Variants in FRMPD3 observed in about 807,000 individuals in gnomAD.
FRMPD3 encodes FERM and PDZ domain-containing protein 3.
A neutral mutation model predicts 97.9 loss-of-function variants in FRMPD3; 42 were observed. The ratio of observed to expected loss-of-function variants is 0.43; its 90% CI spans 0.34 to 0.55. FRMPD3 has a LOEUF of 0.55. Among genes scored for constraint, FRMPD3 ranks in the 20% least tolerant of loss-of-function variants. The probability of loss-of-function intolerance (pLI) is 0.03; values close to 1 mark genes in which losing one functional copy is unlikely to be tolerated. For missense variants in FRMPD3, 1,303 were observed against 1,457.7 expected (o/e 0.89, Z 1.73); for synonymous variants, 577 against 581.1 (o/e 0.99, Z 0.10).
chrX:107,568,961 T>C (rs1922744770), intron 12 of FRMPD3, among the ~76,000 whole-genome samples: 1 of 107,578 alleles, frequency 9.3e-6, no homozygotes, highest in East Asian at 3.0e-4. Context: ...GAACCATGGC[T>C]CCTTGCCTTC....
At chrX:107,514,821 C>G (rs368055574) in intron 1 of FRMPD3, among the ~76,000 whole-genome samples, 81 of 111,245 alleles carry the variant, frequency 7.3e-4, no homozygotes, top group African/African-American at 2.6e-3. Flanking sequence ...CCACTGTGCC[C>G]GGTCTTGGAT....
At chrX:107,593,334 C>G (rs914143203) in intron 13 of FRMPD3, among the ~76,000 whole-genome samples, 1 of 111,635 alleles carries the variant, frequency 9.0e-6, no homozygotes, top group Non-Finnish European at 1.9e-5. Context: ...TTTTCTCCCA[C>G]TCTGTGGGTT....
At chrX:107,482,545 G>A (rs988789704) in intron 1 of FRMPD3, among the ~76,000 whole-genome samples, 2 of 111,507 alleles carry the variant, frequency 1.8e-5, no homozygotes, top group Admixed American at 1.9e-4. Flanking sequence ...CTGTTGGGTT[G>A]CTGGAGGGGA....
At chrX:107,571,357 C>T (rs745670275) in intron 12 of FRMPD3, among the ~76,000 whole-genome samples, 35 of 86,212 alleles carry the variant, frequency 4.1e-4, no homozygotes, top group African/African-American at 3.7e-3. Flanking sequence ...TACCTGTTGG[C>T]AAAAATTTCA....
At chrX:107,487,266 A>T (rs902957847) in intron 1 of FRMPD3, among the ~76,000 whole-genome samples, 43 of 111,139 alleles carry the variant, frequency 3.9e-4, no homozygotes, top group African/African-American at 1.3e-3. Flanking sequence ...AAAAATTTTT[A>T]AAAAATGAAA....
chrX:107,502,978 C>T (rs762889984), intron 1 of FRMPD3, among the ~76,000 whole-genome samples: 1 of 111,012 alleles, frequency 9.0e-6, no homozygotes, highest in Non-Finnish European at 1.9e-5. Context: ...AAGATTTGAA[C>T]AAGTGGGATG....
chrX:107,453,190 TACATAC>T (rs1326762726), intron 1 of FRMPD3, among the ~76,000 whole-genome samples: 1 of 110,775 alleles, frequency 9.0e-6, no homozygotes, highest in Non-Finnish European at 1.9e-5. Flanking sequence ...AAGACACACA[TACATAC>T]ACATACACAC....
At chrX:107,542,350 G>C (rs1316038237) in intron 4 of FRMPD3, among the ~76,000 whole-genome samples, 1 of 111,990 alleles carries the variant, frequency 8.9e-6, no homozygotes, top group Non-Finnish European at 1.9e-5. Context: ...CTTTGGCTCA[G>C]GATGAGAAGT....
chrX:107,494,906 TC>T (rs1225994429), intron 1 of FRMPD3, among the ~76,000 whole-genome samples: 1 of 111,531 alleles, frequency 9.0e-6, no homozygotes, highest in Non-Finnish European at 1.9e-5. Flanking sequence ...GCAAATTGGC[TC>T]CTAGAGAGAC....
intron 3 of FRMPD3, among the ~76,000 whole-genome samples, chrX:107,531,343 CCT>C (rs369827990): frequency 1.3e-3 from 131 of 101,793 alleles, no homozygotes; most frequent in South Asian, 2.3e-3. Flanking sequence ...TTTCTCTCTC[CCT>C]CTCTCTCTCT....
chrX:107,474,150 C>A lies in FRMPD3; in HGVS notation c.-8+24145C>A, dbSNP rs1047707939. 8.0e-5 allele frequency among the ~76,000 whole-genome samples: 9 copies of A among 112,282 alleles called. 1 individual carries two copies. The highest frequency in any genetic ancestry group is 1.7e-4 in the Non-Finnish European group (9 of 53,252). ...GTCTTCCTCCCAGAGATGCAGGTAT[C>A]CTTTCCCTGTTACCACGGGAACCTC... On this transcript the variant is annotated intron_variant, in intron 1 of 14. Coordinates refer to ENST00000683843, the MANE Select transcript of FRMPD3 (RefSeq NM_001388459.1).
intron 8 of FRMPD3, 119 bp from the exon 9 acceptor site, chrX:107,560,138 C>T (rs1922280241): frequency 1.1e-6 from 1 of 900,313 alleles, no homozygotes. Flanking sequence ...TCCTCTGTCC[C>T]TTGATCTAGC....
In FRMPD3 at chrX:107,603,223, A is replaced by G. The variant is rs1253066511; in HGVS notation, c.5184A>G (p.Gln1728=). 11 of 1,110,854 alleles carry G rather than the reference A, an allele frequency of 9.9e-6. No individual in the cohort carries two copies. Among genetic ancestry groups the G allele is most frequent in the South Asian group, 4.2e-5 (2 of 47,656 alleles). 91.5% of individuals were successfully genotyped at this position (1,110,854 alleles called of 1,213,427 possible). A position where few individuals can be genotyped will look rare whatever the true frequency, so the allele number is the denominator to read the frequency against. ...QQQQQQQQQQ[Q]QQQQQQQQQQ... Reference sequence around the variant, plus strand: ...AGCAACAACAACAGCAGCAGCAGCAACAACAACAGCAGCAGCAACAACAAC... The same window carrying G: ...AGCAACAACAACAGCAGCAGCAGCAGCAACAACAGCAGCAGCAACAACAAC... The change falls in exon 15 of 15, where the codon CAA becomes CAG. Residue 1728 remains glutamine, a synonymous_variant. Coordinates refer to ENST00000683843, the MANE Select transcript of FRMPD3 (RefSeq NM_001388459.1).
intron 1 of FRMPD3, among the ~76,000 whole-genome samples, chrX:107,514,997 C>A (rs1343464473): frequency 1.8e-5 from 2 of 111,604 alleles, no homozygotes; most frequent in Non-Finnish European, 3.8e-5. Context: ...TGAGGGAAGC[C>A]TAGGCTTGAG....
chrX:107,516,344 A>T lies in FRMPD3; in HGVS notation c.-7-10238A>T, dbSNP rs1190906663. ...AGTGCCGCAATAAACATACGTGTGC[A>T]TGTGTCTTTATAGCAGCATGTTTTA... On this transcript the variant is annotated intron_variant, in intron 1 of 14. Coordinates refer to ENST00000683843, the MANE Select transcript of FRMPD3 (RefSeq NM_001388459.1). Among the ~76,000 whole-genome samples, 3 of 111,031 alleles carry T rather than the reference A, an allele frequency of 2.7e-5. No individual in the cohort carries two copies. In the East Asian group the frequency reaches 8.4e-4, roughly 31 times the overall value.
intron 1 of FRMPD3, among the ~76,000 whole-genome samples, chrX:107,496,191 C>A (rs971915224): frequency 3.6e-5 from 4 of 112,044 alleles, no homozygotes; most frequent in African/African-American, 1.3e-4. Context: ...TATTTGAGAC[C>A]ACAGACAATG....
In FRMPD3 at chrX:107,602,619, G is replaced by A. The variant is rs774690464; in HGVS notation, c.4580G>A (p.Gly1527Asp). The stretch of plus-strand genomic sequence containing the variant: ...TCTATCCCCATGAAGATCCTGCCTG[G>A]CATGAAGCTGGACGAGCAGGTGGTG... Reference protein sequence around the residue: ...SYSIPMKILPGMKLDEQVVPV... With the variant: ...SYSIPMKILPDMKLDEQVVPV... The change falls in exon 15 of 15, where the codon GGC becomes GAC. Residue 1527 changes from glycine (G) to aspartate (D), a missense_variant. By Grantham distance (94) the Gly-to-Asp change is moderately conservative. Coordinates refer to ENST00000683843, the MANE Select transcript of FRMPD3 (RefSeq NM_001388459.1). 8.3e-7 allele frequency: 1 copy of A among 1,211,236 alleles called. No individual in the cohort carries two copies. Among genetic ancestry groups the A allele is most frequent in the South Asian group, 1.8e-5 (1 of 57,034 alleles).
chrX:107,564,701 C>T (rs1330277002), intron 11 of FRMPD3, among the ~76,000 whole-genome samples, 186 bp from the exon 12 acceptor site: 1 of 112,300 alleles, frequency 8.9e-6, no homozygotes, highest in East Asian at 2.8e-4. Context: ...GGCTCTATCC[C>T]AGGAACCATT....
intron 1 of FRMPD3, among the ~76,000 whole-genome samples, chrX:107,519,246 G>A (rs1296425231): frequency 2.7e-5 from 3 of 112,198 alleles, no homozygotes; most frequent in African/African-American, 9.7e-5. Context: ...CTGTAATCCT[G>A]ACATTTTGAG....
Sources: gnomAD v4.1 joint callset for allele counts (sites outside exome capture counted in the v4.1 genomes callset) on GRCh38, gnomAD v4.1.1 for gene constraint, MANE v1.5 for transcripts, NCBI Gene and HGNC (gene_info 2026-07-23, HGNC 2026-07-21) for gene names.